ZBTB20: variants seen among roughly 807,000 people sequenced by gnomAD.
ZBTB20 encodes zinc finger and BTB domain-containing protein 20.
ZBTB20 carries 9 observed loss-of-function variants against 56.9 expected under a neutral mutation model. That is an observed-to-expected ratio of 0.16 (90% CI 0.10 to 0.28). The LOEUF is 0.28. Ranked by LOEUF, ZBTB20 falls within the 10% of genes least tolerant of loss-of-function variation. ZBTB20 has a pLI of 1.00. For missense variants in ZBTB20, 655 were observed against 1,003.0 expected (o/e 0.65, Z 4.69); for synonymous variants, 417 against 420.7 (o/e 0.99, Z 0.11).
chr3:114,493,897 T>A (rs2043006498), intron 7 of ZBTB20, among the ~76,000 whole-genome samples: 1 of 152,234 alleles, frequency 6.6e-6, no homozygotes, highest in African/African-American at 2.4e-5. Flanking sequence ...CTTTATTATA[T>A]ATACCTTTAG....
chr3:114,382,269 T>A (rs1460219045), intron 8 of ZBTB20, among the ~76,000 whole-genome samples: 42 of 152,372 alleles, frequency 2.8e-4, no homozygotes, highest in Non-Finnish European at 2.5e-4. Context: ...GCTGATTGTT[T>A]ACTAACTGGC....
At chr3:114,344,409 A>G (rs1409148977) in intron 11 of ZBTB20, among the ~76,000 whole-genome samples, 2 of 152,210 alleles carry the variant, frequency 1.3e-5, no homozygotes, top group Non-Finnish European at 1.5e-5. Context: ...ATACTAGCCC[A>G]ACCAGATTAT....
intron 1 of ZBTB20, among the ~76,000 whole-genome samples, chr3:115,105,159 T>A (rs2083685790): frequency 6.6e-6 from 1 of 152,192 alleles, no homozygotes; most frequent in Admixed American, 6.5e-5. Flanking sequence ...AATAACAAAT[T>A]TAAAAGGACG....
intron 10 of ZBTB20, among the ~76,000 whole-genome samples, chr3:114,377,809 T>C (rs2083831374): frequency 1.3e-5 from 2 of 152,140 alleles, no homozygotes; most frequent in Non-Finnish European, 2.9e-5. Context: ...AGTTTTCTCA[T>C]CTGTAAATTG....
chr3:114,596,047 C>A lies in ZBTB20; in HGVS notation c.-294-95656G>T, dbSNP rs149832208. On this transcript the variant is annotated intron_variant, in intron 6 of 11. Coordinates refer to ENST00000675478, the MANE Select transcript of ZBTB20 (RefSeq NM_001348800.3). The stretch of plus-strand genomic sequence containing the variant: ...TGTAAATAGTTTTTGTTTCAGAGAA[C>A]AACCTTATCTCTCCAACACAGTAAT... 4.0e-3 allele frequency among the ~76,000 whole-genome samples: 606 copies of A among 152,280 alleles called. 1 individual carries two copies. Among genetic ancestry groups the A allele is most frequent in the African/African-American group, 0.013 (528 of 41,554 alleles).
In ZBTB20 at chr3:114,351,440, C is replaced by T. The variant is rs1195464738; in HGVS notation, c.638G>A (p.Arg213Gln). The change falls in exon 11 of 12, where the codon CGG (arginine) becomes CAG (glutamine). Residue 213 changes from arginine (R) to glutamine (Q), a missense_variant. Physicochemically the swap from Arg to Gln is conservative, Grantham distance 43. Transcript: ENST00000675478. ...TGACGTGCCTGACTCGGGAGTGCCC[C>T]GCGGCGTGTCCTGGCCCGAGTCCTG... ...GIQDSGQDTP[R>Q]GTPESGTSGQ... The T allele has an allele frequency of 6.2e-7, 1 of 1,613,346 alleles. No homozygotes were observed. The highest frequency in any genetic ancestry group is 8.5e-7 in the Non-Finnish European group (1 of 1,179,982).
At chr3:114,555,626 C>T (rs904421154) in intron 6 of ZBTB20, among the ~76,000 whole-genome samples, 4 of 152,082 alleles carry the variant, frequency 2.6e-5, no homozygotes, top group Non-Finnish European at 5.9e-5. Flanking sequence ...ACTCCTCTTC[C>T]AAGGTATCAC....
Position 115,034,545 on chromosome 3 carries a change from T to C in ZBTB20, c.-507+36674A>G, listed in dbSNP as rs140436167. ...AAATTAACCAAAGAAATAAAATTTTTACCAATAAAATCTATAAAACTTTTC... is the reference window on the plus strand; with the variant it reads ...AAATTAACCAAAGAAATAAAATTTTCACCAATAAAATCTATAAAACTTTTC... On this transcript the variant is annotated intron_variant, in intron 2 of 11. Transcript: ENST00000675478. Among the ~76,000 whole-genome samples the C allele has an allele frequency of 5.3e-3, 803 of 151,970 alleles. 5 individuals are homozygous for C. The highest frequency in any genetic ancestry group is 8.8e-3 in the Non-Finnish European group (599 of 67,790).
chr3:114,870,183 G>A (rs2075937680), intron 4 of ZBTB20, among the ~76,000 whole-genome samples: 1 of 151,966 alleles, frequency 6.6e-6, no homozygotes, highest in African/African-American at 2.4e-5. Context: ...CATTTCTTAT[G>A]GGGATCTTGA....
At chr3:114,496,874 A>C (rs2043336805) in intron 7 of ZBTB20, among the ~76,000 whole-genome samples, 1 of 152,216 alleles carries the variant, frequency 6.6e-6, no homozygotes, top group Non-Finnish European at 1.5e-5. Flanking sequence ...AGAAGAGACA[A>C]GCAGGACACT....
At chr3:114,893,399 A>C in intron 4 of ZBTB20, among the ~76,000 whole-genome samples, 1 of 152,232 alleles carries the variant, frequency 6.6e-6, no homozygotes, top group East Asian at 1.9e-4. Context: ...AAATGAGTAC[A>C]AGGGTTACTT....
rs2078970365 is a variant in ZBTB20, at chr3:114,323,630, T to G, written c.*15375A>C. 2 of 152,192 alleles carry G rather than the reference T, an allele frequency of 1.3e-5. No individual in the cohort carries two copies. Among genetic ancestry groups the G allele is most frequent in the Admixed American group, 6.5e-5 (1 of 15,274 alleles). 9.4% of individuals were successfully genotyped at this position (152,192 alleles called of 1,614,324 possible). A position where few individuals can be genotyped will look rare whatever the true frequency, so the allele number is the denominator to read the frequency against. On this transcript the variant is annotated 3_prime_UTR_variant, in exon 12 of 12. Transcript: ENST00000675478. ...ATCATATCAATTGGCTTCTTCACTG[T>G]TAAAACTCTTACTGAGAGCTCAGTC...
chr3:114,935,542 G>A (rs377381948), intron 3 of ZBTB20, among the ~76,000 whole-genome samples: 1 of 152,124 alleles, frequency 6.6e-6, no homozygotes. Context: ...CAGAAAAGAA[G>A]GGTAAATAAG....
chr3:114,581,126 CAG>C (rs1414694704), intron 6 of ZBTB20, among the ~76,000 whole-genome samples: 6 of 151,910 alleles, frequency 3.9e-5, no homozygotes, highest in African/African-American at 1.4e-4. Context: ...ATCATATAAA[CAG>C]ATTTGATATA....
intron 6 of ZBTB20, among the ~76,000 whole-genome samples, chr3:114,635,653 G>C (rs2059221600): frequency 6.6e-6 from 1 of 151,862 alleles, no homozygotes; most frequent in African/African-American, 2.4e-5. Context: ...TACAAAAATT[G>C]AACTGAAAGA....
intron 3 of ZBTB20, among the ~76,000 whole-genome samples, chr3:114,953,585 C>G (rs952335043): frequency 2.6e-5 from 4 of 151,802 alleles, no homozygotes; most frequent in African/African-American, 9.7e-5. Flanking sequence ...CACAGTAGAT[C>G]TCAAAGTGAA....
At chr3:114,971,233 G>A (rs1177024460) in intron 3 of ZBTB20, among the ~76,000 whole-genome samples, 1 of 152,164 alleles carries the variant, frequency 6.6e-6, no homozygotes, top group Non-Finnish European at 1.5e-5. Context: ...ATTGTTATGT[G>A]TGTTAATTCA....
intron 1 of ZBTB20, 26 bp from the exon 2 acceptor site, chr3:115,071,440 ATAGAAAGAT>A (rs1220512267): frequency 1.3e-5 from 2 of 152,176 alleles, no homozygotes; most frequent in Non-Finnish European, 2.9e-5. Flanking sequence ...TAAAGAAGAA[ATAGAAAGAT>A]TAGCCAAAAA....
At chr3:114,450,256 T>C (rs189393858) in intron 7 of ZBTB20, among the ~76,000 whole-genome samples, 1 of 152,338 alleles carries the variant, frequency 6.6e-6, no homozygotes, top group Admixed American at 6.5e-5. Context: ...ATACAGCGCA[T>C]GCTCAGCAGG....
Sources: gnomAD v4.1 joint callset for allele counts (sites outside exome capture counted in the v4.1 genomes callset) on GRCh38, gnomAD v4.1.1 for gene constraint, MANE v1.5 for transcripts, NCBI Gene and HGNC (gene_info 2026-07-23, HGNC 2026-07-21) for gene names.